The following VAV2 variants were observed in gnomAD, a reference collection of about 807,000 sequenced individuals.
VAV2 encodes vav guanine nucleotide exchange factor 2.
A neutral mutation model predicts 132.5 loss-of-function variants in VAV2; 67 were observed. The ratio of observed to expected loss-of-function variants is 0.51; its 90% CI spans 0.42 to 0.62. The LOEUF is 0.62. Ranked by LOEUF, VAV2 falls within the 20% of genes least tolerant of loss-of-function variation. VAV2 has a pLI of 0.00. For synonymous variants in VAV2, 492 were observed against 443.5 expected, an observed-to-expected ratio of 1.11 and a Z score of -1.37; for missense variants, 938 against 1,153.6, an observed-to-expected ratio of 0.81 and a Z score of 2.71.
chr9:133,950,898 C>T (rs1841537318), intron 1 of VAV2, among the ~76,000 whole-genome samples: 1 of 152,170 alleles, frequency 6.6e-6, no homozygotes, highest in Non-Finnish European at 1.5e-5. Context: ...GCCCTATCTC[C>T]AGCGCAATTG....
chr9:133,870,140 C>T (rs1172803225), intron 2 of VAV2, among the ~76,000 whole-genome samples: 4 of 152,034 alleles, frequency 2.6e-5, no homozygotes, highest in African/African-American at 9.7e-5. Context: ...GTTTTGCCAC[C>T]AGGAGGAGGC....
At position 133,968,819 on chromosome 9, in the gene VAV2, C is replaced by T. The variant is rs1444834582; in HGVS notation, c.204+23256G>A. ...CCCAGCTCAGATCTGGAGGGTGTCT[C>T]GAGACCCCCGGCTGGCTGGCTCAGC... On this transcript the variant is annotated intron_variant, in intron 1 of 29. Coordinates refer to ENST00000371850, the MANE Select transcript of VAV2 (RefSeq NM_001134398.2). Among the ~76,000 whole-genome samples, 4 of 152,158 alleles carry T rather than the reference C, an allele frequency of 2.6e-5. No individual in the cohort carries two copies. The South Asian group carries it at 6.2e-4, about 24-fold the overall frequency.
chr9:133,847,650 AAAGTT>A, intron 3 of VAV2, among the ~76,000 whole-genome samples: 1 of 152,318 alleles, frequency 6.6e-6, no homozygotes, highest in East Asian at 1.9e-4. Context: ...GACGTCAGAT[AAAGTT>A]CCAGCCCCAC....
intron 3 of VAV2, among the ~76,000 whole-genome samples, chr9:133,844,477 G>A (rs1836852734): frequency 6.6e-6 from 1 of 152,212 alleles, no homozygotes; most frequent in Non-Finnish European, 1.5e-5. Context: ...TCTAGGACAG[G>A]GGCGTTGCGG....
At chr9:133,815,277 G>T (rs1380000646) in intron 4 of VAV2, among the ~76,000 whole-genome samples, 1 of 152,072 alleles carries the variant, frequency 6.6e-6, no homozygotes, top group East Asian at 1.9e-4. Context: ...AGCACCCGCT[G>T]CGTCTGAAGC....
chr9:133,864,936 A>G (rs933880137), intron 2 of VAV2, among the ~76,000 whole-genome samples: 2 of 152,190 alleles, frequency 1.3e-5, no homozygotes, highest in Non-Finnish European at 2.9e-5. Flanking sequence ...TGAATGATTT[A>G]TCTCCAATGT....
intron 1 of VAV2, among the ~76,000 whole-genome samples, chr9:133,975,958 G>A (rs1157210798): frequency 6.6e-6 from 1 of 152,052 alleles, no homozygotes; most frequent in Non-Finnish European, 1.5e-5. Context: ...AGCACTTTGG[G>A]AGGCTGAGGC....
intron 9 of VAV2, among the ~76,000 whole-genome samples, chr9:133,801,438 T>C (rs10123394): frequency 0.15 from 23,148 of 152,260 alleles, 1,801 homozygotes; most frequent in African/African-American, 0.19. Context: ...CTCTCAACCC[T>C]GGCCCTCAGG....
intron 1 of VAV2, among the ~76,000 whole-genome samples, chr9:133,952,556 T>TCG (rs1466805255): frequency 2.7e-5 from 4 of 150,908 alleles, no homozygotes; most frequent in African/African-American, 9.8e-5. Flanking sequence ...GGAGCCGAGA[T>TCG]CGCACCATTG....
At chr9:133,876,180 T>G (rs1838254893) in intron 2 of VAV2, among the ~76,000 whole-genome samples, 1 of 152,226 alleles carries the variant, frequency 6.6e-6, no homozygotes. Context: ...CAGGATCGTG[T>G]GAGCCAGTCC....
At chr9:133,777,069 G>A (rs1298051264) in intron 23 of VAV2, among the ~76,000 whole-genome samples, 2 of 152,156 alleles carry the variant, frequency 1.3e-5, no homozygotes, top group Non-Finnish European at 1.5e-5. Context: ...ATCTTATAGA[G>A]TCCCCGAAAT....
chr9:133,777,204 G>A (rs758829413), intron 23 of VAV2, among the ~76,000 whole-genome samples, 185 bp downstream of exon 23: 3 of 152,078 alleles, frequency 2.0e-5, no homozygotes, highest in South Asian at 4.2e-4. Flanking sequence ...AGAGGAGAGC[G>A]TGCTGCCCCA....
In VAV2 at chr9:133,941,614, G is replaced by A. The variant is rs1049635925; in HGVS notation, c.205-2395C>T. On this transcript the variant is annotated intron_variant, in intron 1 of 29. Transcript: ENST00000371850. ...GTGTGAGTCCACTTTTTTTTGGGGG[G>A]GGGGGGGGACGGAATTTCGCCCTTG... 5.6e-3 allele frequency among the ~76,000 whole-genome samples: 93 copies of A among 16,656 alleles called. 1 individual carries two copies. The highest frequency in any genetic ancestry group is 0.012 in the African/African-American group (83 of 6,762). 10.9% of individuals were successfully genotyped at this position (16,656 alleles called of 152,430 possible).
chr9:133,903,117 A>G (rs963275601), intron 2 of VAV2, among the ~76,000 whole-genome samples: 1 of 151,306 alleles, frequency 6.6e-6, no homozygotes, highest in Admixed American at 6.6e-5. Context: ...GGACACAGAG[A>G]TAGGCACAGA....
At chr9:133,938,153 A>T (rs1462476089) in intron 2 of VAV2, among the ~76,000 whole-genome samples, 1 of 152,236 alleles carries the variant, frequency 6.6e-6, no homozygotes, top group African/African-American at 2.4e-5. Context: ...ATGATGCTCA[A>T]ATAAACCAGG....
At chr9:133,798,008 C>T (rs982263426) in intron 9 of VAV2, among the ~76,000 whole-genome samples, 199 bp from the exon 10 acceptor site, 6 of 152,204 alleles carry the variant, frequency 3.9e-5, no homozygotes, top group Non-Finnish European at 5.9e-5. Context: ...CGCAGGAGGG[C>T]TGCCGGCGTG....
Position 133,903,755 on chromosome 9 carries a change from G to C in VAV2, c.321+35348C>G, listed in dbSNP as rs535979987. Among the ~76,000 whole-genome samples the C allele has an allele frequency of 2.0e-5, 3 of 152,298 alleles. No individual in the cohort carries two copies. In the East Asian group the frequency reaches 5.8e-4, roughly 29 times the overall value. On this transcript the variant is annotated intron_variant, in intron 2 of 29. Transcript: ENST00000371850. Reference sequence around the variant, plus strand: ...CGTCAGAAAAAATTCTCAACAGGGGGATGCTGGCGAGGGAAAAGGGGTCCC... The same window carrying C: ...CGTCAGAAAAAATTCTCAACAGGGGCATGCTGGCGAGGGAAAAGGGGTCCC...
At chr9:133,893,421 G>A (rs976310905) in intron 2 of VAV2, among the ~76,000 whole-genome samples, 4 of 152,222 alleles carry the variant, frequency 2.6e-5, no homozygotes, top group Admixed American at 6.5e-5. Flanking sequence ...CGGTGGGGCA[G>A]CGTGGAGGAG....
At chr9:133,809,192 CCTGCACAT>C (rs1479993056) in intron 6 of VAV2, 54 bp from the exon 7 acceptor site, 18 of 1,494,844 alleles carry the variant, frequency 1.2e-5, no homozygotes, top group Non-Finnish European at 1.5e-5. Flanking sequence ...CCACCTGCCA[CCTGCACAT>C]CTGCACCGCG....
Sources: allele counts gnomAD v4.1 joint callset (sites outside exome capture counted in the v4.1 genomes callset), GRCh38; gene constraint gnomAD v4.1.1; transcripts MANE v1.5; gene names NCBI Gene and HGNC (gene_info 2026-07-23, HGNC 2026-07-21).